The following PRKN variants were observed in gnomAD, a reference collection of about 807,000 sequenced individuals.
PRKN encodes E3 ubiquitin-protein ligase parkin.
PRKN carries 56 observed loss-of-function variants against 59.5 expected under a neutral mutation model. The ratio of observed to expected loss-of-function variants is 0.94; its 90% CI spans 0.76 to 1.18. The LOEUF (loss-of-function observed/expected upper bound fraction) is 1.18, where lower values mean the gene tolerates loss of function less well. Ranked by LOEUF, PRKN falls within the 50% of genes most tolerant of loss-of-function variation. The pLI is 0.00. For synonymous variants in PRKN, 250 were observed against 222.1 expected, an observed-to-expected ratio of 1.13 and a Z score of -1.12; for missense variants, 657 against 596.4, an observed-to-expected ratio of 1.10 and a Z score of -1.06.
intron 1 of PRKN, among the ~76,000 whole-genome samples, chr6:162,696,632 T>C (rs1438770796): frequency 5.4e-5 from 8 of 148,662 alleles, no homozygotes; most frequent in Non-Finnish European, 1.2e-4. Context: ...TGGTGCAATC[T>C]TGGCTCACTG....
At chr6:161,481,194 G>C (rs1363525220) in intron 9 of PRKN, among the ~76,000 whole-genome samples, 1 of 152,120 alleles carries the variant, frequency 6.6e-6, no homozygotes, top group Non-Finnish European at 1.5e-5. Flanking sequence ...TTTAGAAAGG[G>C]CTCTACCAAT....
At chr6:162,321,771 G>A (rs966205639) in intron 2 of PRKN, among the ~76,000 whole-genome samples, 1 of 151,862 alleles carries the variant, frequency 6.6e-6, no homozygotes, top group African/African-American at 2.4e-5. Context: ...ACTCTCATAA[G>A]GTTTAAAATA....
At chr6:162,651,245 G>GA (rs1044189643) in intron 1 of PRKN, among the ~76,000 whole-genome samples, 2 of 152,130 alleles carry the variant, frequency 1.3e-5, no homozygotes, top group African/African-American at 4.8e-5. Context: ...CAGAGAAAGT[G>GA]AAAATCTCTC....
Position 161,458,532 on chromosome 6 carries a change from A to T in PRKN, c.1084-71655T>A, listed in dbSNP as rs1790072546. 6.6e-6 allele frequency among the ~76,000 whole-genome samples: 1 copy of T among 152,258 alleles called. No individual in the cohort carries two copies. The highest frequency in any genetic ancestry group is 2.1e-4 in the South Asian group (1 of 4,834). On this transcript the variant is annotated intron_variant, in intron 9 of 11. Transcript: ENST00000366898. This position sits in a 1 kb window ranked among gnomAD's most constrained non-coding sequence, Gnocchi z 6.1. ...CCAGTGTTTGAACCAAATGCTCAGTAATGTGAAAACATCAATTATTTCCTT... is the reference window on the plus strand; with the variant it reads ...CCAGTGTTTGAACCAAATGCTCAGTTATGTGAAAACATCAATTATTTCCTT...
At chr6:162,400,884 T>A (rs961687128) in intron 2 of PRKN, among the ~76,000 whole-genome samples, 7 of 152,206 alleles carry the variant, frequency 4.6e-5, no homozygotes, top group African/African-American at 1.7e-4. Context: ...GAGTACAATG[T>A]AATATACACT....
intron 1 of PRKN, chr6:162,568,513 A>G: frequency 2.8e-6 from 2 of 707,366 alleles, no homozygotes; most frequent in Non-Finnish European, 5.2e-6. Flanking sequence ...GTGGTCAACC[A>G]GAGACTGCTG....
intron 7 of PRKN, among the ~76,000 whole-genome samples, chr6:161,683,250 G>A (rs1318269834): frequency 6.6e-6 from 1 of 152,164 alleles, no homozygotes; most frequent in Non-Finnish European, 1.5e-5. Flanking sequence ...TCGGGATGCT[G>A]ACAGCAGCCC....
intron 1 of PRKN, among the ~76,000 whole-genome samples, chr6:162,561,317 T>C (rs1779828643): frequency 6.6e-6 from 1 of 152,144 alleles, no homozygotes; most frequent in African/African-American, 2.4e-5. Context: ...GAGTAGATAT[T>C]GAAGAGAAAG....
At chr6:162,452,367 T>G (rs1790666791) in intron 1 of PRKN, among the ~76,000 whole-genome samples, 1 of 152,136 alleles carries the variant, frequency 6.6e-6, no homozygotes, top group Non-Finnish European at 1.5e-5. Context: ...TTTTTTTGCT[T>G]TATTCAACAT....
Position 161,877,458 on chromosome 6 carries a change from TG to T in PRKN, c.735-91551del, listed in dbSNP as rs553903527. Among the ~76,000 whole-genome samples the T allele has an allele frequency of 1.6e-4, 24 of 146,314 alleles. No homozygotes were observed. The East Asian group carries it at 4.1e-3, about 25-fold the overall frequency. On this transcript the variant is annotated intron_variant, in intron 6 of 11. Coordinates refer to ENST00000366898, the MANE Select transcript of PRKN (RefSeq NM_004562.3). ...GATAATGCAAATATGGAAACATATT[TG>T]CATTTTTTTTTTTTTTTTGAGACAG...
intron 1 of PRKN, among the ~76,000 whole-genome samples, chr6:162,478,404 A>G (rs1008664562): frequency 6.6e-5 from 10 of 152,168 alleles, no homozygotes; most frequent in African/African-American, 2.4e-4. Flanking sequence ...TGTTCATTAA[A>G]CGCACAGGAA....
In PRKN at chr6:162,218,195, G is replaced by A. The variant is rs553654716; in HGVS notation, c.413-16943C>T. Among the ~76,000 whole-genome samples the A allele has an allele frequency of 5.5e-4, 84 of 152,328 alleles. 2 individuals are homozygous for A. In the South Asian group the frequency reaches 0.017, roughly 30 times the overall value. ...ATGGAGGTGCTTTCCAGAAGGCGGT[G>A]CTGACCAGGCCGCTCCCTGCGGAAG... On this transcript the variant is annotated intron_variant, in intron 3 of 11. Transcript: ENST00000366898.
intron 7 of PRKN, among the ~76,000 whole-genome samples, chr6:161,760,589 G>A (rs1027314853): frequency 2.6e-5 from 4 of 151,870 alleles, no homozygotes; most frequent in Non-Finnish European, 4.4e-5. Flanking sequence ...CTGGCCTAGC[G>A]AGAGTCCCTG....
At chr6:162,633,432 CAAAAAAAAAA>C (rs531688324) in intron 1 of PRKN, among the ~76,000 whole-genome samples, 6 of 61,826 alleles carry the variant, frequency 9.7e-5, no homozygotes, top group East Asian at 7.5e-4. Context: ...AAGACTGTCT[CAAAAAAAAAA>C]AAAAAAAAAA....
chr6:161,931,943 C>A (rs1402032068), intron 6 of PRKN, among the ~76,000 whole-genome samples: 2 of 152,138 alleles, frequency 1.3e-5, no homozygotes, highest in Non-Finnish European at 2.9e-5. Context: ...GAAAACAATT[C>A]ATCCATCGAA....
At chr6:162,119,637 C>A (rs2128305097) in intron 4 of PRKN, among the ~76,000 whole-genome samples, 1 of 152,220 alleles carries the variant, frequency 6.6e-6, no homozygotes, top group East Asian at 1.9e-4. Context: ...TTTTCCCCTC[C>A]TCTGGCTTCT....
chr6:161,882,380 C>T (rs1370013331), intron 6 of PRKN, among the ~76,000 whole-genome samples: 1 of 152,112 alleles, frequency 6.6e-6, no homozygotes, highest in African/African-American at 2.4e-5. Flanking sequence ...GCAGGTGGTG[C>T]GGCCCTCCAG....
At chr6:161,532,482 T>TA (rs1779259993) in intron 9 of PRKN, among the ~76,000 whole-genome samples, 1 of 148,274 alleles carries the variant, frequency 6.7e-6, no homozygotes, top group Admixed American at 6.8e-5. Context: ...CTCAGGAGTT[T>TA]ACTCCATACT....
At chr6:161,859,374 G>A (rs1056022108) in intron 6 of PRKN, among the ~76,000 whole-genome samples, 11 of 151,930 alleles carry the variant, frequency 7.2e-5, no homozygotes, top group African/African-American at 2.7e-4. Flanking sequence ...GGAGGCCAAG[G>A]CGGGTGGATC....
Sources: gnomAD v4.1 joint callset for allele counts (sites outside exome capture counted in the v4.1 genomes callset) on GRCh38, gnomAD v4.1.1 for gene constraint, Gnocchi (gnomAD v3.1) non-coding constraint, MANE v1.5 for transcripts, NCBI Gene and HGNC (gene_info 2026-07-23, HGNC 2026-07-21) for gene names.